Variants in PSG8 observed in about 807,000 individuals in gnomAD.
The protein encoded by PSG8 is pregnancy specific beta-1-glycoprotein 8.
In PSG8, 57 loss-of-function variants were observed where a neutral mutation model predicts 42.5. The observed-to-expected ratio is 1.34, with a 90% confidence interval of 1.08 to 1.67. PSG8 has a LOEUF of 1.67. Among genes scored for constraint, PSG8 ranks in the 40% most tolerant of loss-of-function variants. PSG8 has a pLI of 0.00. For synonymous variants in PSG8, 280 were observed against 196.8 expected, an observed-to-expected ratio of 1.42 and a Z score of -3.54; for missense variants, 783 against 518.6, an observed-to-expected ratio of 1.51 and a Z score of -4.95.
rs189067322 is a variant in PSG8, at chr19:42,759,784, G to A, written c.431-1504C>T. Among the ~76,000 whole-genome samples, 199 of 152,142 alleles carry A rather than the reference G, an allele frequency of 1.3e-3. 2 individuals are homozygous for A. Among genetic ancestry groups the A allele is most frequent in the African/African-American group, 3.8e-3 (159 of 41,532 alleles). ...TCATGAGTGGAAATTTTTACTGATGGTCCAAACATCTAAGATCAATTGCTG... is the reference window on the plus strand; with the variant it reads ...TCATGAGTGGAAATTTTTACTGATGATCCAAACATCTAAGATCAATTGCTG... On this transcript the variant is annotated intron_variant, in intron 2 of 4. Coordinates refer to ENST00000306511, the MANE Select transcript of PSG8 (RefSeq NM_182707.3).
chr19:42,753,408 T>G (rs1339254932), downstream of PSG8: 4 of 778,462 alleles, frequency 5.1e-6, no homozygotes, highest in Non-Finnish European at 9.6e-6. Flanking sequence ...ACAGAAACAA[T>G]GAACAGAGAT....
chr19:42,757,380 G>C (rs367879515), intron 3 of PSG8, among the ~76,000 whole-genome samples: 10,509 of 151,944 alleles, frequency 0.069, 430 homozygotes, highest in Middle Eastern at 0.12. Flanking sequence ...ATTTGTTCCA[G>C]CAGTGGCTGA....
In PSG8 at chr19:42,754,373, A is replaced by T; in HGVS notation, c.1203T>A (p.Thr401=). Residue 401 remains threonine, a synonymous_variant, in exon 5 of 5, where the codon ACT becomes ACA. Coordinates refer to ENST00000306511, the MANE Select transcript of PSG8 (RefSeq NM_182707.3). ...LYACSVRNSA[T]GKESSKSMTV... ...TCATGGATTTGGAGCTTTCCTTGCC[A>T]GTGGCTGAGTTACGAACAGAGCAAG... 3 of 1,613,822 alleles carry T rather than the reference A, an allele frequency of 1.9e-6. No individual in the cohort carries two copies. Among genetic ancestry groups the T allele is most frequent in the Non-Finnish European group, 2.5e-6 (3 of 1,179,792 alleles).
intron 4 of PSG8, 106 bp downstream of exon 4, chr19:42,754,882 A>G (rs1969877778): frequency 6.4e-7 from 1 of 1,561,028 alleles, no homozygotes; most frequent in East Asian, 2.2e-5. Flanking sequence ...GATGTCCAGA[A>G]GTGAAGGTGT....
chr19:42,754,909 G>A, intron 4 of PSG8, 79 bp downstream of exon 4: 1 of 1,571,172 alleles, frequency 6.4e-7, no homozygotes, highest in African/African-American at 1.4e-5. Flanking sequence ...TTGGACCAGA[G>A]AGAGAGTGAG....
At chr19:42,754,954 T>C in intron 4 of PSG8, 34 bp downstream of exon 4, 2 of 1,581,110 alleles carry the variant, frequency 1.3e-6, no homozygotes, top group Non-Finnish European at 1.7e-6. Context: ...TTTAAGCTGG[T>C]GTCCTGGCCC....
At chr19:42,759,313 C>G (rs145691944) in intron 2 of PSG8, among the ~76,000 whole-genome samples, 3 of 152,042 alleles carry the variant, frequency 2.0e-5, no homozygotes, top group South Asian at 2.1e-4. Flanking sequence ...GGAGTTTCTA[C>G]GAGCTGGGAT....
At chr19:42,752,833 TC>T (rs1178023326), downstream of PSG8, 2 of 195,418 alleles carry the variant, frequency 1.0e-5, no homozygotes, top group African/African-American at 4.7e-5. Context: ...TCCTACCTCT[TC>T]ATAGAAACCA....
In PSG8 at chr19:42,754,556, T is replaced by C. The variant is rs1353121755; in HGVS notation, c.1020A>G (p.Ser340=). 6.2e-7 allele frequency: 1 copy of C among 1,613,408 alleles called. No individual in the cohort carries two copies. Among genetic ancestry groups the C allele is most frequent in the Non-Finnish European group, 8.5e-7 (1 of 1,179,604 alleles). The stretch of plus-strand genomic sequence containing the variant: ...CTTCTCCTGAACGGTAATAGGTGAA[T>C]GAAGGGTAAATTCTGGGGAGGTCTG... The part of the protein sequence containing the change: ...YGPDLPRIYP[S]FTYYRSGEVL... Residue 340 remains serine, a synonymous_variant, in exon 5 of 5, where the codon TCA becomes TCG. Coordinates refer to ENST00000306511, the MANE Select transcript of PSG8 (RefSeq NM_182707.3).
chr19:42,756,224 T>A (rs1421989619), intron 3 of PSG8: 1 of 152,210 alleles, frequency 6.6e-6, no homozygotes, highest in Admixed American at 6.5e-5. Flanking sequence ...TACTCTCTGA[T>A]TCCCTGGATT....
At chr19:42,755,491 T>C in intron 3 of PSG8, 1 of 986,828 alleles carries the variant, frequency 1.0e-6, no homozygotes, top group Non-Finnish European at 1.4e-6. Flanking sequence ...CAAGTGTCAA[T>C]TGAGCAGCAG....
At chr19:42,757,973 T>G (rs746536518) in intron 3 of PSG8, 29 bp downstream of exon 3, 1 of 1,613,918 alleles carries the variant, frequency 6.2e-7, no homozygotes, top group African/African-American at 1.3e-5. Flanking sequence ...GATGGCAGCC[T>G]GGCTCACAGA....
chr19:42,764,019 G>T lies in PSG8; in HGVS notation c.327C>A (p.Ile109=). ...ETIYSNASLL[I]QNVTQEDAGS... ...CTGCGTCTTCCTGGGTGACATTCTG[G>T]ATCAGCAGGGATGCATTGGAATATA... is the stretch of plus-strand genomic sequence containing the variant. The change falls in exon 2 of 5, where the codon ATC becomes ATA. Residue 109 remains isoleucine (I), a synonymous_variant. Transcript: ENST00000306511. 3 of 1,602,276 alleles carry T rather than the reference G, an allele frequency of 1.9e-6. No individual in the cohort carries two copies. The highest frequency in any genetic ancestry group is 2.6e-6 in the Non-Finnish European group (3 of 1,174,898).
In PSG8 at chr19:42,758,176, G is replaced by T. The variant is rs183657521; in HGVS notation, c.535C>A (p.Leu179Met). 2.5e-6 allele frequency: 4 copies of T among 1,614,038 alleles called. No homozygotes were observed. Among genetic ancestry groups the T allele is most frequent in the Non-Finnish European group, 3.4e-6 (4 of 1,179,976 alleles). The change falls in exon 3 of 5, where the codon CTG (leucine) becomes ATG (methionine). Residue 179 changes from leucine (L) to methionine (M), a missense_variant. Transcript: ENST00000306511. ...AGGCTCTGACCATTCATCCACCACAGGTAGCTTGCGTCCGGAGTCTCAGGA... is the reference window on the plus strand; with the variant it reads ...AGGCTCTGACCATTCATCCACCACATGTAGCTTGCGTCCGGAGTCTCAGGA... ...CDPETPDASY[L>M]WWMNGQSLPM...
Position 42,754,489 on chromosome 19 carries a change from G to C in PSG8, c.1087C>G (p.Gln363Glu), listed in dbSNP as rs1058763. ...TTCCCATTAATTGTCCAAGAATACTGTGCCGGTGGGTTAGAGTCCGCAGAA... is the reference window on the plus strand; with the variant it reads ...TTCCCATTAATTGTCCAAGAATACTCTGCCGGTGGGTTAGAGTCCGCAGAA... Reference protein sequence around the residue: ...SCSADSNPPAQYSWTINGKFQ... With the variant: ...SCSADSNPPAEYSWTINGKFQ... The change falls in exon 5 of 5, where the codon CAG becomes GAG. Residue 363 changes from glutamine to glutamate, a missense_variant. Transcript: ENST00000306511. The C allele has an allele frequency of 3.0e-5, 48 of 1,613,780 alleles. No homozygotes were observed. The Middle Eastern group carries it at 4.9e-4, about 17-fold the overall frequency.
At chr19:42,759,616 A>T (rs1487934645) in intron 2 of PSG8, among the ~76,000 whole-genome samples, 6 of 152,132 alleles carry the variant, frequency 3.9e-5, no homozygotes, top group African/African-American at 7.2e-5. Flanking sequence ...GTTTTGGAGC[A>T]TTTCAGATTG....
At chr19:42,753,318 C>G (rs758932998), downstream of PSG8, 1 of 780,322 alleles carries the variant, frequency 1.3e-6, no homozygotes, top group East Asian at 2.4e-5. Flanking sequence ...TTTTTCTTAG[C>G]GATTCCATGG....
Position 42,763,128 on chromosome 19 carries a change from T to C in PSG8, c.430+788A>G, listed in dbSNP as rs1322588526. 1.2e-4 allele frequency among the ~76,000 whole-genome samples: 19 copies of C among 152,274 alleles called. 1 individual carries two copies. The highest frequency in any genetic ancestry group is 4.6e-4 in the Admixed American group (7 of 15,296). On this transcript the variant is annotated intron_variant, in intron 2 of 4. Coordinates refer to ENST00000306511, the MANE Select transcript of PSG8 (RefSeq NM_182707.3). The stretch of plus-strand genomic sequence containing the variant: ...TGGCACAGTGGAGGTTTCACACAAA[T>C]AGCATTTATTATTAATTTGCTTCCA...
At chr19:42,760,288 C>T (rs1236818257) in intron 2 of PSG8, among the ~76,000 whole-genome samples, 1 of 152,240 alleles carries the variant, frequency 6.6e-6, no homozygotes, top group Middle Eastern at 3.4e-3. Flanking sequence ...GTAAAACCAT[C>T]AGATAGCACC....
Sources: gnomAD v4.1 joint callset for allele counts (sites outside exome capture counted in the v4.1 genomes callset) on GRCh38, gnomAD v4.1.1 for gene constraint, MANE v1.5 for transcripts, NCBI Gene and HGNC (gene_info 2026-07-23, HGNC 2026-07-21) for gene names.